FOXE1: variants seen among roughly 807,000 people sequenced by gnomAD.
FOXE1 encodes the protein forkhead box E1.
FOXE1 carries 4 observed loss-of-function variants against 2.1 expected under a neutral mutation model. The ratio of observed to expected loss-of-function variants is 1.91; its 90% CI spans 0.94 to 4.37. FOXE1 has a LOEUF of 4.37. Among genes scored for constraint, FOXE1 ranks in the 30% most tolerant of loss-of-function variants. FOXE1 has a pLI of 0.01. For missense variants in FOXE1, 574 were observed against 583.3 expected (o/e 0.98, Z 0.16); for synonymous variants, 277 against 272.4 (o/e 1.02, Z -0.17).
rs530560467 is a variant in FOXE1, at chr9:97,855,192, C to T, written c.*156C>T. On this transcript the variant is annotated 3_prime_UTR_variant, in exon 1 of 1. Coordinates refer to ENST00000375123, the MANE Select transcript of FOXE1 (RefSeq NM_004473.4). ...TCGGTCTCCCCGCGCACAGCGTAGG[C>T]ACCCGGTGTACTCTGTAAACGGGAG... 2.3e-4 allele frequency: 224 copies of T among 960,422 alleles called. 3 individuals are homozygous for T. The South Asian group carries it at 2.8e-3, about 12-fold the overall frequency. The allele number at this position is 960,422 out of a possible 1,614,324, so 59.5% of individuals were successfully genotyped here.
rs1418050237 is a variant in FOXE1, at chr9:97,853,943, C to A, written c.29C>A (p.Pro10Gln). Reference sequence around the variant, plus strand: ...ACTGCCGAGAGCGGGCCGCCGCCGCCGCAGCCGGAGGTGCTGGCTACCGTG... The same window carrying A: ...ACTGCCGAGAGCGGGCCGCCGCCGCAGCAGCCGGAGGTGCTGGCTACCGTG... The part of the protein sequence containing the change: MTAESGPPP[P>Q]QPEVLATVKE... Residue 10 changes from proline (P) to glutamine (Q), a missense_variant, in exon 1 of 1, where the codon CCG (proline) becomes CAG (glutamine). Transcript: ENST00000375123. 1.5e-6 allele frequency: 2 copies of A among 1,300,440 alleles called. No individual in the cohort carries two copies. Among genetic ancestry groups the A allele is most frequent in the South Asian group, 2.6e-5 (1 of 39,138 alleles). The allele number at this position is 1,300,440 out of a possible 1,614,324, so 80.6% of individuals were successfully genotyped here. A position where few individuals can be genotyped will look rare whatever the true frequency, so the allele number is the denominator to read the frequency against.
At position 97,854,994 on chromosome 9, in the gene FOXE1, CG is replaced by C. The variant is rs1285365060; in HGVS notation, c.1081del (p.Ala361LeufsTer6). On this transcript the variant is annotated frameshift_variant, in exon 1 of 1. Coordinates refer to ENST00000375123, the MANE Select transcript of FOXE1 (RefSeq NM_004473.4). LOFTEE classifies it high-confidence loss of function. ...GCGCCTACCATGCTCGCCATGCTGCCGCTTATCCCGGTGGGATAGATCGGTT... is the reference window on the plus strand; with the variant it reads ...GCGCCTACCATGCTCGCCATGCTGCCCTTATCCCGGTGGGATAGATCGGTT... ...AGAYHARHAA[A>X]YPGGIDRFVS... is the part of the protein sequence containing the mutation. The C allele has an allele frequency of 3.1e-6, 5 of 1,608,786 alleles. No individual in the cohort carries two copies. Among genetic ancestry groups the C allele is most frequent in the Non-Finnish European group, 4.2e-6 (5 of 1,179,996 alleles).
At position 97,853,728 on chromosome 9, in the gene FOXE1, C is replaced by A; in HGVS notation, c.-187C>A. The A allele has an allele frequency of 2.4e-6, 1 of 424,976 alleles. No homozygotes were observed. The highest frequency in any genetic ancestry group is 2.1e-5 in the African/African-American group (1 of 48,364). 26.3% of individuals were successfully genotyped at this position (424,976 alleles called of 1,614,324 possible). A position where few individuals can be genotyped will look rare whatever the true frequency, so the allele number is the denominator to read the frequency against. ...GAGCCTCTGTCTGCACCGCGCCAGC[C>A]CCAGACCACGGACGCTGAGCCTCCA... is the stretch of plus-strand genomic sequence containing the variant. On this transcript the variant is annotated 5_prime_UTR_variant, in exon 1 of 1. Coordinates refer to ENST00000375123, the MANE Select transcript of FOXE1 (RefSeq NM_004473.4).
At position 97,855,293 on chromosome 9, in the gene FOXE1, C is replaced by G. The variant is rs972080124; in HGVS notation, c.*257C>G. The stretch of plus-strand genomic sequence containing the variant: ...TGGAGCGAAGCCCTCAAACGGGATG[C>G]TTTCTGGTATTCTATCGGGGAGGGT... On this transcript the variant is annotated 3_prime_UTR_variant, in exon 1 of 1. Coordinates refer to ENST00000375123, the MANE Select transcript of FOXE1 (RefSeq NM_004473.4). 6.6e-6 allele frequency: 4 copies of G among 605,840 alleles called. No homozygotes were observed. The highest frequency in any genetic ancestry group is 1.2e-5 in the Non-Finnish European group (4 of 329,172). The allele number at this position is 605,840 out of a possible 1,614,324, so 37.5% of individuals were successfully genotyped here.
At position 97,853,988 on chromosome 9, in the gene FOXE1, C is replaced by T. The variant is rs1398481804; in HGVS notation, c.74C>T (p.Thr25Met). The T allele has an allele frequency of 1.5e-6, 2 of 1,340,428 alleles. No homozygotes were observed. Among genetic ancestry groups the T allele is most frequent in the Admixed American group, 4.2e-5 (1 of 24,046 alleles). The allele number at this position is 1,340,428 out of a possible 1,614,324, so 83.0% of individuals were successfully genotyped here. Residue 25 changes from threonine to methionine, a missense_variant, in exon 1 of 1, where the codon ACG becomes ATG. By Grantham distance (81) the Thr-to-Met change is moderately conservative. Coordinates refer to ENST00000375123, the MANE Select transcript of FOXE1 (RefSeq NM_004473.4). ...ACCGTGAAGGAAGAGCGCGGCGAGA[C>T]GGCAGCAGGGGCCGGGGTCCCAGGG... Reference protein sequence around the residue: ...LATVKEERGETAAGAGVPGEA... With the variant: ...LATVKEERGEMAAGAGVPGEA...
Position 97,854,970 on chromosome 9 carries a change from C to A in FOXE1, c.1056C>A (p.Gly352=), listed in dbSNP as rs1377685170. The A allele has an allele frequency of 1.2e-6, 2 of 1,605,176 alleles. No individual in the cohort carries two copies. Residue 352 remains glycine, a synonymous_variant, in exon 1 of 1, where the codon GGC becomes GGA. Coordinates refer to ENST00000375123, the MANE Select transcript of FOXE1 (RefSeq NM_004473.4). ...GGCAGCTCGGAGGGGCCAGTGCAGG[C>A]GCCTACCATGCTCGCCATGCTGCCG... ...PGGQLGGASA[G]AYHARHAAAY... is the part of the protein sequence containing the mutation.
chr9:97,855,189 A>T lies in FOXE1; in HGVS notation c.*153A>T. The T allele has an allele frequency of 1.0e-6, 1 of 989,652 alleles. No homozygotes were observed. Among genetic ancestry groups the T allele is most frequent in the East Asian group, 2.6e-5 (1 of 38,348 alleles). 61.3% of individuals were successfully genotyped at this position (989,652 alleles called of 1,614,324 possible). On this transcript the variant is annotated 3_prime_UTR_variant, in exon 1 of 1. Transcript: ENST00000375123. ...GGCTCGGTCTCCCCGCGCACAGCGT[A>T]GGCACCCGGTGTACTCTGTAAACGG...
At position 97,855,173 on chromosome 9, in the gene FOXE1, T is replaced by A; in HGVS notation, c.*137T>A. 1.7e-6 allele frequency: 2 copies of A among 1,144,524 alleles called. No homozygotes were observed. Among genetic ancestry groups the A allele is most frequent in the East Asian group, 5.1e-5 (2 of 38,952 alleles). 70.9% of individuals were successfully genotyped at this position (1,144,524 alleles called of 1,614,324 possible). On this transcript the variant is annotated 3_prime_UTR_variant, in exon 1 of 1. Coordinates refer to ENST00000375123, the MANE Select transcript of FOXE1 (RefSeq NM_004473.4). Reference sequence around the variant, plus strand: ...CCGAGCAGGCCACAGAGGCTCGGTCTCCCCGCGCACAGCGTAGGCACCCGG... The same window carrying A: ...CCGAGCAGGCCACAGAGGCTCGGTCACCCCGCGCACAGCGTAGGCACCCGG...
At position 97,855,001 on chromosome 9, in the gene FOXE1, C is replaced by A; in HGVS notation, c.1087C>A (p.Pro363Thr). The A allele has an allele frequency of 6.2e-7, 1 of 1,609,692 alleles. No homozygotes were observed. The highest frequency in any genetic ancestry group is 8.5e-7 in the Non-Finnish European group (1 of 1,180,006). Residue 363 changes from proline to threonine, a missense_variant, in exon 1 of 1, where the codon CCC becomes ACC. Coordinates refer to ENST00000375123, the MANE Select transcript of FOXE1 (RefSeq NM_004473.4). Reference protein sequence around the residue: ...AYHARHAAAYPGGIDRFVSAM With the variant: ...AYHARHAAAYTGGIDRFVSAM ...CCATGCTCGCCATGCTGCCGCTTAT[C>A]CCGGTGGGATAGATCGGTTCGTGTC...
chr9:97,853,775 TG>T lies in FOXE1; in HGVS notation c.-137del. The T allele has an allele frequency of 1.4e-6, 1 of 737,900 alleles. No individual in the cohort carries two copies. Among genetic ancestry groups the T allele is most frequent in the Non-Finnish European group, 1.8e-6 (1 of 544,696 alleles). 45.7% of individuals were successfully genotyped at this position (737,900 alleles called of 1,614,324 possible). Reference sequence around the variant, plus strand: ...TCCAGCGCGTGCCAGCCTGGGCCGCTGGGCTCTCGGGGCCAGCCCGCGACGA... The same window carrying T: ...TCCAGCGCGTGCCAGCCTGGGCCGCTGGCTCTCGGGGCCAGCCCGCGACGA... On this transcript the variant is annotated 5_prime_UTR_variant, in exon 1 of 1. Coordinates refer to ENST00000375123, the MANE Select transcript of FOXE1 (RefSeq NM_004473.4).
Position 97,854,653 on chromosome 9 carries a change from T to C in FOXE1, c.739T>C (p.Cys247Arg). The C allele has an allele frequency of 7.1e-7, 1 of 1,400,960 alleles. No homozygotes were observed. Among genetic ancestry groups the C allele is most frequent in the South Asian group, 1.5e-5 (1 of 65,282 alleles). 86.8% of individuals were successfully genotyped at this position (1,400,960 alleles called of 1,614,324 possible). ...GPAPSGPGGS[C>R]AFASAGAPAT... ...CGCACCGTCGGGGCCCGGCGGCTCTTGCGCCTTTGCCTCCGCCGGCGCCCC... is the reference window on the plus strand; with the variant it reads ...CGCACCGTCGGGGCCCGGCGGCTCTCGCGCCTTTGCCTCCGCCGGCGCCCC... Residue 247 changes from cysteine (C) to arginine (R), a missense_variant, in exon 1 of 1, where the codon TGC (cysteine) becomes CGC (arginine). By Grantham distance (180) the Cys-to-Arg change is radical. Around this residue, in one of 3 missense-constraint regions of FOXE1, gnomAD observed 316 missense variants for 288.4 expected, o/e 1.10. Coordinates refer to ENST00000375123, the MANE Select transcript of FOXE1 (RefSeq NM_004473.4).
rs376303736 is a variant in FOXE1 at position 97,854,914 on chromosome 9, G to C, written c.1000G>C (p.Gly334Arg). ...FYGRTSPGQF[G>R]ALGACYNPGG... ...CGGGCGCACGTCGCCCGGCCAGTTC[G>C]GAGCGCTGGGAGCCTGCTACAACCC... Residue 334 changes from glycine to arginine, a missense_variant, in exon 1 of 1, where the codon GGA (glycine) becomes CGA (arginine). Around this residue, in one of 3 missense-constraint regions of FOXE1, gnomAD observed 316 missense variants for 288.4 expected, o/e 1.10. Coordinates refer to ENST00000375123, the MANE Select transcript of FOXE1 (RefSeq NM_004473.4). The C allele has an allele frequency of 2.5e-6, 4 of 1,599,446 alleles. No homozygotes were observed. Among genetic ancestry groups the C allele is most frequent in the South Asian group, 1.1e-5 (1 of 90,972 alleles).
chr9:97,854,487 CT>C lies in FOXE1; in HGVS notation c.574del (p.Tyr192ThrfsTer175). On this transcript the variant is annotated frameshift_variant, in exon 1 of 1. Transcript: ENST00000375123. LOFTEE classifies it low-confidence loss of function (END_TRUNC). ...PGAVPAARPP[Y>X]PGAVYAGYAP... ...GCGCGGTGCCCGCCGCGCGCCCCCC[CT>C]ACCCGGGCGCCGTCTATGCAGGCTA... 3 of 1,230,426 alleles carry C rather than the reference CT, an allele frequency of 2.4e-6. No homozygotes were observed. Among genetic ancestry groups the C allele is most frequent in the Non-Finnish European group, 3.0e-6 (3 of 989,700 alleles). 76.2% of individuals were successfully genotyped at this position (1,230,426 alleles called of 1,614,324 possible).
At position 97,855,057 on chromosome 9, in the gene FOXE1, T is replaced by C; in HGVS notation, c.*21T>C. Reference sequence around the variant, plus strand: ...TGTGAGCCAGCGTAGGGACGAAAACTCATAGACACATCGGCTGTTCACACG... The same window carrying C: ...TGTGAGCCAGCGTAGGGACGAAAACCCATAGACACATCGGCTGTTCACACG... On this transcript the variant is annotated 3_prime_UTR_variant, in exon 1 of 1. Transcript: ENST00000375123. 1 of 1,612,454 alleles carries C rather than the reference T, an allele frequency of 6.2e-7. No homozygotes were observed. The highest frequency in any genetic ancestry group is 8.5e-7 in the Non-Finnish European group (1 of 1,179,824).
chr9:97,854,421 C>CGCA lies in FOXE1; in HGVS notation c.509_510insAGC (p.Ala179dup), dbSNP rs1237062197. ...TGCACGACGCGGCGGCTGCCGCAGC[C>CGCA]GCCGCCGCCGCCGCCGCCGCCGCCG... On this transcript the variant is annotated inframe_insertion, in exon 1 of 1. Transcript: ENST00000375123. 2.1e-5 allele frequency: 3 copies of CGCA among 145,060 alleles called. No homozygotes were observed. The highest frequency in any genetic ancestry group is 2.4e-5 in the Non-Finnish European group (3 of 126,316). The allele number at this position is 145,060 out of a possible 1,614,324, so 9.0% of individuals were successfully genotyped here. A position where few individuals can be genotyped will look rare whatever the true frequency, so the allele number is the denominator to read the frequency against.
Position 97,854,713 on chromosome 9 carries a change from A to G in FOXE1, c.799A>G (p.Thr267Ala), listed in dbSNP as rs1830643262. The change falls in exon 1 of 1, where the codon ACC becomes GCC. Residue 267 changes from threonine (T) to alanine (A), a missense_variant. Physicochemically the swap from Thr to Ala is moderately conservative, Grantham distance 58. Coordinates refer to ENST00000375123, the MANE Select transcript of FOXE1 (RefSeq NM_004473.4). ...CACCGGCTACCAGCCCGCAGGCTGC[A>G]CCGGGGCCCGGCCGGCCAACCCCTC... Reference protein sequence around the residue: ...TTTGYQPAGCTGARPANPSAY... With the variant: ...TTTGYQPAGCAGARPANPSAY... 1.4e-6 allele frequency: 2 copies of G among 1,412,482 alleles called. No homozygotes were observed. The allele number at this position is 1,412,482 out of a possible 1,614,324, so 87.5% of individuals were successfully genotyped here.
chr9:97,854,722 C>T lies in FOXE1; in HGVS notation c.808C>T (p.Arg270Trp), dbSNP rs1301578947. The T allele has an allele frequency of 6.4e-6, 9 of 1,413,512 alleles. No individual in the cohort carries two copies. The highest frequency in any genetic ancestry group is 8.2e-6 in the Non-Finnish European group (9 of 1,095,928). 87.6% of individuals were successfully genotyped at this position (1,413,512 alleles called of 1,614,324 possible). A position where few individuals can be genotyped will look rare whatever the true frequency, so the allele number is the denominator to read the frequency against. ...GYQPAGCTGARPANPSAYAAA... is the reference protein window; with the variant it reads ...GYQPAGCTGAWPANPSAYAAA... The stretch of plus-strand genomic sequence containing the variant: ...CCAGCCCGCAGGCTGCACCGGGGCC[C>T]GGCCGGCCAACCCCTCCGCCTATGC... Residue 270 changes from arginine (R) to tryptophan (W), a missense_variant, in exon 1 of 1, where the codon CGG becomes TGG. This residue lies in a region of FOXE1 where 316 missense variants were observed against 288.4 expected (regional missense o/e 1.10). Coordinates refer to ENST00000375123, the MANE Select transcript of FOXE1 (RefSeq NM_004473.4).
rs768174425 is a variant in FOXE1, at chr9:97,854,185, C to T, written c.271C>T (p.Arg91Cys). ...CATCACCGAGCGCTTCCCCTTCTAC[C>T]GCGACAACCCCAAAAAGTGGCAGAA... ...KFITERFPFYRDNPKKWQNSI... is the reference protein window; with the variant it reads ...KFITERFPFYCDNPKKWQNSI... Residue 91 changes from arginine (R) to cysteine (C), a missense_variant, in exon 1 of 1, where the codon CGC (arginine) becomes TGC (cysteine). By Grantham distance (180) the Arg-to-Cys change is radical. This residue lies in a region of FOXE1 where 249 missense variants were observed against 269.6 expected (regional missense o/e 0.92). Coordinates refer to ENST00000375123, the MANE Select transcript of FOXE1 (RefSeq NM_004473.4). 1 of 1,613,068 alleles carries T rather than the reference C, an allele frequency of 6.2e-7. No homozygotes were observed. The highest frequency in any genetic ancestry group is 8.5e-7 in the Non-Finnish European group (1 of 1,179,748).
chr9:97,853,689 A>C lies in FOXE1; in HGVS notation c.-226A>C. On this transcript the variant is annotated 5_prime_UTR_variant, in exon 1 of 1. Transcript: ENST00000375123. ...CACCACGCGGGCTGAGCCGTCGGCT[A>C]GCGGGTCACTCCCGAGCCTCTGTCT... 2.7e-6 allele frequency: 1 copy of C among 366,014 alleles called. No homozygotes were observed. Among genetic ancestry groups the C allele is most frequent in the Non-Finnish European group, 4.8e-6 (1 of 207,924 alleles). The allele number at this position is 366,014 out of a possible 1,614,324, so 22.7% of individuals were successfully genotyped here.
Sources: gnomAD v4.1 joint callset for allele counts on GRCh38, gnomAD v4.1.1 for gene constraint, gnomAD v4.1.1 regional missense constraint, MANE v1.5 for transcripts, NCBI Gene and HGNC (gene_info 2026-07-23, HGNC 2026-07-21) for gene names.